The following EIF4E3 variants were observed in gnomAD, a reference collection of about 807,000 sequenced individuals.
EIF4E3 encodes the protein eukaryotic translation initiation factor 4E family member 3.
A neutral mutation model predicts 31.7 loss-of-function variants in EIF4E3; 26 were observed. The ratio of observed to expected loss-of-function variants is 0.82; its 90% CI spans 0.60 to 1.14. The LOEUF (loss-of-function observed/expected upper bound fraction) is 1.14, where lower values mean the gene tolerates loss of function less well. EIF4E3 is among the 50% of genes most tolerant of loss of function. EIF4E3 has a pLI of 0.00. For missense variants in EIF4E3, 304 were observed against 270.9 expected (o/e 1.12, Z -0.86); for synonymous variants, 128 against 107.7 (o/e 1.19, Z -1.17).
the EIF4E3 span, among the ~76,000 whole-genome samples, chr3:71,664,525 T>C: frequency 6.6e-6 from 1 of 152,020 alleles, no homozygotes; most frequent in African/African-American, 2.4e-5. Flanking sequence ...AAGAGTCAGG[T>C]AGAACCAATG....
chr3:71,733,393 C>T (rs1055212584), intron 1 of EIF4E3, among the ~76,000 whole-genome samples: 7 of 152,186 alleles, frequency 4.6e-5, no homozygotes, highest in African/African-American at 9.7e-5. Flanking sequence ...ATTTCATTTA[C>T]GGTTCATAGA....
At chr3:71,694,047 CT>C (rs2049100864) in intron 4 of EIF4E3, 106 bp from the exon 5 acceptor site, 7 of 1,110,088 alleles carry the variant, frequency 6.3e-6, no homozygotes, top group South Asian at 1.7e-5. Flanking sequence ...TTCACATGCA[CT>C]TTCTGTGCCC....
chr3:71,747,895 GT>G (rs1323612168), intron 1 of EIF4E3, among the ~76,000 whole-genome samples: 1 of 152,152 alleles, frequency 6.6e-6, no homozygotes, highest in South Asian at 2.1e-4. Context: ...CTTAAATGAA[GT>G]TTAACAATAT....
chr3:71,668,330 G>A, the EIF4E3 span, among the ~76,000 whole-genome samples: 1 of 152,130 alleles, frequency 6.6e-6, no homozygotes, highest in Non-Finnish European at 1.5e-5. Context: ...ATACCATTAA[G>A]GACATAGGCA....
chr3:71,692,849 C>T (rs993967746), intron 5 of EIF4E3, among the ~76,000 whole-genome samples: 17 of 152,120 alleles, frequency 1.1e-4, no homozygotes, highest in African/African-American at 4.1e-4. Flanking sequence ...CCCATCTTGG[C>T]CTCCCAAAGT....
Position 71,695,312 on chromosome 3 carries a change from C to T in EIF4E3, c.405+1148G>A, listed in dbSNP as rs928373416. On this transcript the variant is annotated intron_variant, in intron 4 of 6. Coordinates refer to ENST00000425534, the MANE Select transcript of EIF4E3 (RefSeq NM_001134651.2). ...TAGGCTAAACTGCCTGGGATGAGGG[C>T]ATTTGCACGGATATGAAAGCGTTAT... Among the ~76,000 whole-genome samples the T allele has an allele frequency of 3.9e-5, 6 of 152,172 alleles. No individual in the cohort carries two copies. The South Asian group carries it at 1.2e-3, about 32-fold the overall frequency.
chr3:71,723,533 TA>T (rs1400494730), intron 1 of EIF4E3, among the ~76,000 whole-genome samples: 1 of 152,240 alleles, frequency 6.6e-6, no homozygotes, highest in Non-Finnish European at 1.5e-5. Context: ...CTACTAGTCT[TA>T]AAAGATTGTG....
chr3:71,703,285 G>A (rs2049243964), intron 2 of EIF4E3, among the ~76,000 whole-genome samples: 1 of 152,178 alleles, frequency 6.6e-6, no homozygotes, highest in Non-Finnish European at 1.5e-5. Flanking sequence ...CTCCTTGGGA[G>A]GTATGTTCTG....
upstream of EIF4E3, chr3:71,754,539 G>A (rs1403592913): frequency 3.0e-6 from 4 of 1,347,008 alleles, no homozygotes; most frequent in East Asian, 1.3e-4. The surrounding 1 kb of genome is among the most constrained non-coding windows in gnomAD (Gnocchi z 5.8). Context: ...GGACGGCGGT[G>A]GCGACGACGA....
intron 5 of EIF4E3, among the ~76,000 whole-genome samples, chr3:71,692,536 T>C (rs1438620924): frequency 6.6e-6 from 1 of 152,094 alleles, no homozygotes; most frequent in Non-Finnish European, 1.5e-5. Flanking sequence ...AGTTGCTAAA[T>C]ACTCCCTATT....
chr3:71,684,634 T>C lies in EIF4E3; in HGVS notation c.*48A>G. 1 of 1,611,588 alleles carries C rather than the reference T, an allele frequency of 6.2e-7. No homozygotes were observed. The highest frequency in any genetic ancestry group is 8.5e-7 in the Non-Finnish European group (1 of 1,178,356). ...TTCACTCTCCCTCCTGTTAAGACCG[T>C]TTCCAAAACCAATCAGCAAAGGACA... On this transcript the variant is annotated 3_prime_UTR_variant, in exon 7 of 7. Transcript: ENST00000425534.
the EIF4E3 span, among the ~76,000 whole-genome samples, chr3:71,664,065 G>A: frequency 2.0e-5 from 3 of 152,154 alleles, no homozygotes; most frequent in Non-Finnish European, 4.4e-5. Context: ...TAATGGGAGT[G>A]GATCCAGAAA....
intron 2 of EIF4E3, among the ~76,000 whole-genome samples, chr3:71,703,011 T>G (rs1182431821): frequency 2.0e-5 from 3 of 152,226 alleles, no homozygotes; most frequent in African/African-American, 7.2e-5. Flanking sequence ...TCAGAAGCCT[T>G]TAGGCTTATA....
chr3:71,698,259 T>C (rs1385827517), intron 3 of EIF4E3, among the ~76,000 whole-genome samples: 1 of 152,188 alleles, frequency 6.6e-6, no homozygotes, highest in African/African-American at 2.4e-5. Context: ...GTGAAAGGAC[T>C]TGAGATCCTC....
At chr3:71,700,504 C>T (rs538290359) in intron 2 of EIF4E3, among the ~76,000 whole-genome samples, 1 of 151,816 alleles carries the variant, frequency 6.6e-6, no homozygotes, top group East Asian at 1.9e-4. Flanking sequence ...ATCCCAGCTA[C>T]TCGGGAGGCT....
chr3:71,673,043 C>T (rs572103771), downstream of EIF4E3, among the ~76,000 whole-genome samples: 77 of 152,262 alleles, frequency 5.1e-4, 2 homozygotes, highest in South Asian at 0.016. Context: ...AATGAATAAT[C>T]GGAAGGGGTC....
chr3:71,730,334 G>A (rs1265614680), upstream of EIF4E3, among the ~76,000 whole-genome samples: 1 of 152,178 alleles, frequency 6.6e-6, no homozygotes. Context: ...CCTCATCTAG[G>A]GTACAGATAA....
At chr3:71,752,430 TAA>T (rs1262354681) in intron 1 of EIF4E3, among the ~76,000 whole-genome samples, 1 of 152,178 alleles carries the variant, frequency 6.6e-6, no homozygotes, top group Non-Finnish European at 1.5e-5. Context: ...GCCTGCAGAC[TAA>T]AGTTTCGACT....
rs1253634168 is a variant in EIF4E3 at position 71,725,254 on chromosome 3, C to G, written c.114G>C (p.Ser38=). ...CCCCGCCCGGCTCAGGCTGCAGCGCCGACAGCTGCTGCAGGCCGAGCGGCG... is the reference window on the plus strand; with the variant it reads ...CCCCGCCCGGCTCAGGCTGCAGCGCGGACAGCTGCTGCAGGCCGAGCGGCG... ...PEPPLGLQQL[S]ALQPEPGGVP... is the part of the protein sequence containing the mutation. The change falls in exon 1 of 7, where the codon TCG becomes TCC. Residue 38 remains serine, a synonymous_variant. Transcript: ENST00000425534. This position sits in a 1 kb window ranked among gnomAD's most constrained non-coding sequence, Gnocchi z 6.1. 9.2e-7 allele frequency: 1 copy of G among 1,081,786 alleles called. No individual in the cohort carries two copies. Among genetic ancestry groups the G allele is most frequent in the African/African-American group, 1.7e-5 (1 of 58,574 alleles). The allele number at this position is 1,081,786 out of a possible 1,614,324, so 67.0% of individuals were successfully genotyped here.
Sources: allele counts gnomAD v4.1 joint callset (sites outside exome capture counted in the v4.1 genomes callset), GRCh38; gene constraint gnomAD v4.1.1; non-coding constraint Gnocchi (gnomAD v3.1); transcripts MANE v1.5; gene names NCBI Gene and HGNC (gene_info 2026-07-23, HGNC 2026-07-21).